Variants in MAML2 observed in about 807,000 individuals in gnomAD.
The protein encoded by MAML2 is mastermind like transcriptional coactivator 2.
In MAML2, 22 loss-of-function variants were observed where a neutral mutation model predicts 96.1. That is an observed-to-expected ratio of 0.23 (90% CI 0.16 to 0.33). The LOEUF is 0.33. Among genes scored for constraint, MAML2 ranks in the 10% least tolerant of loss-of-function variants. The probability of loss-of-function intolerance (pLI) is 1.00; values close to 1 mark genes in which losing one functional copy is unlikely to be tolerated. For synonymous variants in MAML2, 561 were observed against 521.3 expected (o/e 1.08, Z -1.04); for missense variants, 1,367 against 1,392.4 (o/e 0.98, Z 0.29).
At chr11:96,254,966 C>T (rs115158422) in intron 1 of MAML2, among the ~76,000 whole-genome samples, 2,339 of 152,242 alleles carry the variant, frequency 0.015, 67 homozygotes, top group African/African-American at 0.053. Flanking sequence ...CAGGCGAGTG[C>T]CACCACACCC....
At chr11:96,197,233 C>T (rs1861745520) in intron 1 of MAML2, among the ~76,000 whole-genome samples, 1 of 152,192 alleles carries the variant, frequency 6.6e-6, no homozygotes, top group African/African-American at 2.4e-5. Context: ...AGATTTATGT[C>T]CAGAGACACA....
intron 2 of MAML2, among the ~76,000 whole-genome samples, chr11:96,048,986 G>C (rs1858949688): frequency 6.6e-6 from 1 of 152,164 alleles, no homozygotes; most frequent in Non-Finnish European, 1.5e-5. Flanking sequence ...ATTATAAGCA[G>C]ACAAAACATG....
At chr11:96,229,457 C>T (rs1181860682) in intron 1 of MAML2, among the ~76,000 whole-genome samples, 1 of 150,742 alleles carries the variant, frequency 6.6e-6, no homozygotes, top group Non-Finnish European at 1.5e-5. Flanking sequence ...TGAATCTCCA[C>T]TCTCTACCTA....
chr11:95,997,410 TTTAA>T (rs1858009128), intron 2 of MAML2, among the ~76,000 whole-genome samples: 2 of 152,186 alleles, frequency 1.3e-5, no homozygotes, highest in Non-Finnish European at 2.9e-5. Flanking sequence ...TGGTCCCTGT[TTTAA>T]CCCAGCACAG....
At chr11:95,999,741 G>A (rs907856347) in intron 2 of MAML2, among the ~76,000 whole-genome samples, 35 of 152,068 alleles carry the variant, frequency 2.3e-4, no homozygotes, top group African/African-American at 7.0e-4. Context: ...GTATTTTGGC[G>A]TGGGATGACT....
chr11:96,194,811 T>TGAGGTTCAATTCATGATCCCTCC (rs1565244546), intron 1 of MAML2, among the ~76,000 whole-genome samples: 2 of 152,220 alleles, frequency 1.3e-5, no homozygotes, highest in African/African-American at 4.8e-5. Flanking sequence ...AAAATCCTTC[T>TGAGGTTCAATTCATGATCCCTCC]GAGGTTCAAT....
intron 1 of MAML2, among the ~76,000 whole-genome samples, chr11:96,277,488 C>CG (rs1317010292): frequency 1.3e-5 from 2 of 152,042 alleles, no homozygotes; most frequent in Middle Eastern, 3.2e-3. Context: ...CGGTGGCTCA[C>CG]GCCTGTAATC....
intron 1 of MAML2, among the ~76,000 whole-genome samples, chr11:96,154,116 C>G (rs975513808): frequency 6.6e-6 from 1 of 152,120 alleles, no homozygotes; most frequent in African/African-American, 2.4e-5. Context: ...AGGAGGACTA[C>G]TTTAACAAAG....
At chr11:96,056,595 T>G (rs886396015) in intron 2 of MAML2, among the ~76,000 whole-genome samples, 4 of 152,210 alleles carry the variant, frequency 2.6e-5, no homozygotes, top group Non-Finnish European at 1.5e-5. Context: ...ACACAATAGA[T>G]TCTTCAGAAA....
intron 2 of MAML2, among the ~76,000 whole-genome samples, chr11:96,061,305 C>T (rs1490917451): frequency 6.6e-6 from 1 of 152,116 alleles, no homozygotes; most frequent in Admixed American, 6.5e-5. Context: ...TTTCTGGATG[C>T]AGAGATGGTG....
intron 1 of MAML2, among the ~76,000 whole-genome samples, chr11:96,179,993 C>T (rs1016140483): frequency 6.6e-6 from 1 of 152,194 alleles, no homozygotes; most frequent in Non-Finnish European, 1.5e-5. Flanking sequence ...GGTACTATAA[C>T]CATAGTGGTT....
chr11:96,188,260 A>C (rs755654183), intron 1 of MAML2, among the ~76,000 whole-genome samples: 1 of 152,196 alleles, frequency 6.6e-6, no homozygotes, highest in Non-Finnish European at 1.5e-5. Context: ...CACAGACATG[A>C]AAGTCTGATT....
At chr11:96,269,655 T>G (rs879905713) in intron 1 of MAML2, among the ~76,000 whole-genome samples, 1 of 143,588 alleles carries the variant, frequency 7.0e-6, no homozygotes, top group African/African-American at 2.7e-5. Context: ...GGATTACAGG[T>G]CCATGCCACT....
chr11:96,218,414 C>T (rs1024923875), intron 1 of MAML2, among the ~76,000 whole-genome samples: 6 of 152,194 alleles, frequency 3.9e-5, no homozygotes, highest in African/African-American at 1.4e-4. Flanking sequence ...CCTCAGCGTA[C>T]ACAGCATGAA....
At chr11:96,136,901 C>A (rs931680356) in intron 1 of MAML2, among the ~76,000 whole-genome samples, 2 of 152,140 alleles carry the variant, frequency 1.3e-5, no homozygotes, top group African/African-American at 4.8e-5. Context: ...ATTTACTGTA[C>A]CCTGAACATC....
intron 1 of MAML2, among the ~76,000 whole-genome samples, chr11:96,286,833 G>A (rs1863147566): frequency 6.6e-6 from 1 of 151,954 alleles, no homozygotes; most frequent in African/African-American, 2.4e-5. Flanking sequence ...CAGTTTCTGG[G>A]ACAGAAATTG....
chr11:96,169,156 C>T (rs929614030), intron 1 of MAML2, among the ~76,000 whole-genome samples: 5 of 152,210 alleles, frequency 3.3e-5, no homozygotes, highest in African/African-American at 7.2e-5. Flanking sequence ...AAGGCCTGAA[C>T]GAGTTAATAA....
intron 1 of MAML2, among the ~76,000 whole-genome samples, chr11:96,174,630 C>T (rs1252391728): frequency 3.9e-5 from 6 of 152,182 alleles, no homozygotes; most frequent in Admixed American, 1.3e-4. Flanking sequence ...GTGATCCACC[C>T]GCCTTGGCCT....
intron 1 of MAML2, among the ~76,000 whole-genome samples, chr11:96,224,166 C>T (rs1250860598): frequency 1.3e-5 from 2 of 152,042 alleles, no homozygotes; most frequent in African/African-American, 4.8e-5. Flanking sequence ...GGTTTACAGT[C>T]AGTACAAGAA....
Sources: gnomAD v4.1 joint callset for allele counts (sites outside exome capture counted in the v4.1 genomes callset) on GRCh38, gnomAD v4.1.1 for gene constraint, MANE v1.5 for transcripts, NCBI Gene and HGNC (gene_info 2026-07-23, HGNC 2026-07-21) for gene names.